LRRC40: variants seen among roughly 807,000 people sequenced by gnomAD.
LRRC40 encodes leucine-rich repeat-containing protein 40.
LRRC40 carries 76 observed loss-of-function variants against 72.8 expected under a neutral mutation model. The ratio of observed to expected loss-of-function variants is 1.04; its 90% CI spans 0.87 to 1.26. LRRC40 has a LOEUF of 1.26. Among genes scored for constraint, LRRC40 ranks in the 50% most tolerant of loss-of-function variants. The pLI, the probability that LRRC40 is intolerant of heterozygous loss-of-function variation, is 0.00. For synonymous variants in LRRC40, 243 were observed against 254.2 expected (o/e 0.96, Z 0.42); for missense variants, 684 against 698.9 (o/e 0.98, Z 0.24).
intron 6 of LRRC40, among the ~76,000 whole-genome samples, chr1:70,176,874 C>T (rs539800996): frequency 6.6e-6 from 1 of 152,244 alleles, no homozygotes; most frequent in African/African-American, 2.4e-5. Flanking sequence ...TAGTTTATCA[C>T]TGACTACCAC....
chr1:70,146,704 G>A (rs756247162), intron 14 of LRRC40, among the ~76,000 whole-genome samples: 2 of 152,222 alleles, frequency 1.3e-5, no homozygotes, highest in African/African-American at 4.8e-5. Flanking sequence ...GGACTGTAAT[G>A]TAATCAATGT....
intron 9 of LRRC40, among the ~76,000 whole-genome samples, chr1:70,170,845 T>A (rs1336862236): frequency 6.6e-6 from 1 of 152,134 alleles, no homozygotes; most frequent in African/African-American, 2.4e-5. Context: ...AAGTTAATTC[T>A]AAAATTCATA....
intron 11 of LRRC40, among the ~76,000 whole-genome samples, chr1:70,155,464 A>G (rs1667617236): frequency 6.6e-6 from 1 of 152,136 alleles, no homozygotes; most frequent in Non-Finnish European, 1.5e-5. Flanking sequence ...TAAAAGAAAA[A>G]GAAACAAATT....
chr1:70,155,618 C>A lies in LRRC40; in HGVS notation c.1328+71G>T, dbSNP rs1453409706. 6.0e-6 allele frequency: 4 copies of A among 661,168 alleles called. No homozygotes were observed. The East Asian group carries it at 9.1e-5, about 15-fold the overall frequency. 41.0% of individuals were successfully genotyped at this position (661,168 alleles called of 1,614,324 possible). On this transcript the variant is annotated intron_variant, in intron 11 of 14. Coordinates refer to ENST00000370952, the MANE Select transcript of LRRC40 (RefSeq NM_017768.5). ...AATTTAAAAACCAATATGGAAAAAC[C>A]AATTTAAAAACCAAGATGGAAAAAC...
At chr1:70,185,565 C>T (rs758501375) in intron 3 of LRRC40, among the ~76,000 whole-genome samples, 4 of 152,130 alleles carry the variant, frequency 2.6e-5, no homozygotes, top group African/African-American at 4.8e-5. Flanking sequence ...TTCCCAGTCT[C>T]GGGTATGTCT....
intron 9 of LRRC40, among the ~76,000 whole-genome samples, chr1:70,169,697 A>G (rs1047154557): frequency 1.3e-5 from 2 of 152,192 alleles, no homozygotes; most frequent in Non-Finnish European, 2.9e-5. Context: ...TAAAATGGAC[A>G]CATTCCTAGA....
chr1:70,151,424 T>C (rs1229417987), intron 12 of LRRC40, among the ~76,000 whole-genome samples: 2 of 152,090 alleles, frequency 1.3e-5, no homozygotes, highest in South Asian at 2.1e-4. Context: ...ATGCAACCAA[T>C]TGATAATGCA....
chr1:70,190,557 T>A (rs1187320869), intron 1 of LRRC40, among the ~76,000 whole-genome samples: 1 of 150,764 alleles, frequency 6.6e-6, no homozygotes, highest in Non-Finnish European at 1.5e-5. Context: ...ACACCTGTAG[T>A]CCTACTACTT....
At chr1:70,197,608 TA>T (rs1485435398) in intron 1 of LRRC40, among the ~76,000 whole-genome samples, 3 of 150,812 alleles carry the variant, frequency 2.0e-5, no homozygotes, top group Admixed American at 2.0e-4. Flanking sequence ...TTTTTTTTTT[TA>T]AGCAAACTGT....
intron 1 of LRRC40, among the ~76,000 whole-genome samples, chr1:70,201,417 A>T (rs1307379022): frequency 6.6e-6 from 1 of 152,200 alleles, no homozygotes; most frequent in Non-Finnish European, 1.5e-5. Flanking sequence ...ACTTCATATG[A>T]CACAAAATTT....
intron 11 of LRRC40, among the ~76,000 whole-genome samples, chr1:70,153,190 G>T (rs915165119): frequency 6.6e-6 from 1 of 151,852 alleles, no homozygotes; most frequent in Non-Finnish European, 1.5e-5. Flanking sequence ...GTGAAACTCC[G>T]CCTCTACTAA....
chr1:70,188,961 G>T, intron 2 of LRRC40, 131 bp downstream of exon 2: 1 of 704,780 alleles, frequency 1.4e-6, no homozygotes, highest in South Asian at 2.1e-5. Flanking sequence ...ATTATGCTAT[G>T]CCTAGAATGA....
intron 9 of LRRC40, among the ~76,000 whole-genome samples, chr1:70,172,129 T>C (rs575588197): frequency 1.4e-4 from 21 of 152,106 alleles, no homozygotes; most frequent in Non-Finnish European, 2.6e-4. Context: ...AAAAGAAGTC[T>C]TGGGGGCTCA....
At chr1:70,199,215 TCACACACACA>T (rs3223615) in intron 1 of LRRC40, among the ~76,000 whole-genome samples, 15,334 of 140,460 alleles carry the variant, frequency 0.11, 1,015 homozygotes, top group Admixed American at 0.15. Context: ...ATACATAGTC[TCACACACACA>T]CACACACACA....
At chr1:70,169,601 T>G (rs1667959153) in intron 9 of LRRC40, among the ~76,000 whole-genome samples, 1 of 151,848 alleles carries the variant, frequency 6.6e-6, no homozygotes, top group Non-Finnish European at 1.5e-5. Context: ...GAATCAGAAA[T>G]GAAAGAGAGG....
intron 1 of LRRC40, among the ~76,000 whole-genome samples, chr1:70,193,078 A>G (rs1318179212): frequency 6.6e-6 from 1 of 152,124 alleles, no homozygotes; most frequent in Non-Finnish European, 1.5e-5. Flanking sequence ...CCATCCCACA[A>G]TGATCTAAGC....
chr1:70,161,057 A>G lies in LRRC40; in HGVS notation c.1112-1619T>C, dbSNP rs148358796. On this transcript the variant is annotated intron_variant, in intron 9 of 14. Coordinates refer to ENST00000370952, the MANE Select transcript of LRRC40 (RefSeq NM_017768.5). The stretch of plus-strand genomic sequence containing the variant: ...CAAGAACACAGCCAAATAAGAGGTC[A>G]ATCACATAAGCAAGAACGCAGATAT... Among the ~76,000 whole-genome samples, 138 of 151,982 alleles carry G rather than the reference A, an allele frequency of 9.1e-4. 1 individual carries two copies. The East Asian group carries it at 0.026, about 29-fold the overall frequency.
At chr1:70,195,151 G>A (rs1668580585) in intron 1 of LRRC40, among the ~76,000 whole-genome samples, 1 of 151,696 alleles carries the variant, frequency 6.6e-6, no homozygotes. Context: ...GCCTTCAGAT[G>A]GGCAAAAAAT....
chr1:70,200,891 C>A (rs1227211299), intron 1 of LRRC40, among the ~76,000 whole-genome samples: 1 of 152,074 alleles, frequency 6.6e-6, no homozygotes, highest in African/African-American at 2.4e-5. Context: ...TATCTTTTGG[C>A]CTGGGCATGG....
Sources: allele counts gnomAD v4.1 joint callset (sites outside exome capture counted in the v4.1 genomes callset), GRCh38; gene constraint gnomAD v4.1.1; transcripts MANE v1.5; gene names NCBI Gene and HGNC (gene_info 2026-07-23, HGNC 2026-07-21).